Variants in NAV1 observed in about 807,000 individuals in gnomAD.
NAV1 encodes neuron navigator 1.
In NAV1, 18 loss-of-function variants were observed where a neutral mutation model predicts 175.2. That is an observed-to-expected ratio of 0.10 (90% confidence interval 0.07 to 0.15). NAV1 has a LOEUF of 0.15. Among genes scored for constraint, NAV1 ranks in the 10% least tolerant of loss-of-function variants. The pLI is 1.00. For synonymous variants in NAV1, 897 were observed against 978.7 expected (o/e 0.92, Z 1.56); for missense variants, 1,731 against 2,436.6 (o/e 0.71, Z 6.10).
intron 3 of NAV1, among the ~76,000 whole-genome samples, chr1:201,730,997 G>C (rs1017452190): frequency 2.0e-5 from 3 of 152,104 alleles, no homozygotes; most frequent in African/African-American, 7.2e-5. Flanking sequence ...TCAGTGTGAC[G>C]ATGGAACAAG....
intron 13 of NAV1, chr1:201,791,094 C>G (rs931710785): frequency 6.7e-6 from 2 of 300,746 alleles, no homozygotes; most frequent in Non-Finnish European, 6.3e-6. Flanking sequence ...TGCCATTGGC[C>G]ATGGACAAAA....
chr1:201,572,370 CT>C (rs558471603), intron 1 of NAV1, among the ~76,000 whole-genome samples: 15,665 of 136,274 alleles, frequency 0.11, 742 homozygotes, highest in Admixed American at 0.14. Flanking sequence ...TTCTTTCTTT[CT>C]TTTTTTTTTT....
In NAV1 at chr1:201,588,856, T is replaced by C. The variant is rs6675502; in HGVS notation, c.-33+207T>C. On this transcript the variant is annotated intron_variant, in intron 2 of 33. Coordinates refer to the NAV1 transcript ENST00000685211. ...ACAATTTAAAAGATTGGATTTTTTTTTTCTTTTTTGAAATGGAGTCTCGCT... is the reference window on the plus strand; with the variant it reads ...ACAATTTAAAAGATTGGATTTTTTTCTTCTTTTTTGAAATGGAGTCTCGCT... Among the ~76,000 whole-genome samples the C allele has an allele frequency of 9.5e-3, 1,452 of 152,208 alleles. 18 individuals carry two copies. Among genetic ancestry groups the C allele is most frequent in the African/African-American group, 0.032 (1,344 of 41,508 alleles).
At chr1:201,567,395 G>C (rs1034889785) in intron 1 of NAV1, among the ~76,000 whole-genome samples, 2 of 152,210 alleles carry the variant, frequency 1.3e-5, no homozygotes, top group African/African-American at 4.8e-5. Context: ...GTAGGAGCTG[G>C]GCCACTGGGT....
chr1:201,820,225 T>C (rs530399511), exon 30 of NAV1: 1 of 280,098 alleles, frequency 3.6e-6, no homozygotes, highest in South Asian at 6.7e-5. Context: ...TGACTTCTTG[T>C]TTCAATTACA....
intron 1 of NAV1, among the ~76,000 whole-genome samples, chr1:201,699,927 T>C (rs1475529405): frequency 6.6e-6 from 1 of 152,214 alleles, no homozygotes; most frequent in South Asian, 2.1e-4. Flanking sequence ...TTACACCTTA[T>C]ACAAAAATTA....
At chr1:201,809,471 C>T (rs766494335) in exon 22 of NAV1, 1 of 1,614,036 alleles carries the variant, frequency 6.2e-7, no homozygotes, top group Non-Finnish European at 8.5e-7. Context: ...TCTTCCTGGG[C>T]TGTAGCAAGG....
At chr1:201,546,903 CAAAA>C (rs534761806) in intron 1 of NAV1, among the ~76,000 whole-genome samples, 3 of 59,008 alleles carry the variant, frequency 5.1e-5, no homozygotes, top group African/African-American at 6.7e-5. Flanking sequence ...AACTCTGTCT[CAAAA>C]AAAAAAAAAA....
chr1:201,748,145 A>G (rs1017036670), intron 3 of NAV1, among the ~76,000 whole-genome samples: 1 of 152,216 alleles, frequency 6.6e-6, no homozygotes, highest in Admixed American at 6.5e-5. Context: ...CCTTTGCAGT[A>G]TATGAGCAGT....
chr1:201,813,290 G>C lies in NAV1; in HGVS notation c.5340+32G>C, dbSNP rs759302195. 1.4e-6 allele frequency: 2 copies of C among 1,390,698 alleles called. No homozygotes were observed. The highest frequency in any genetic ancestry group is 1.2e-5 in the South Asian group (1 of 85,454). 86.1% of individuals were successfully genotyped at this position (1,390,698 alleles called of 1,614,324 possible). On this transcript the variant is annotated intron_variant, in intron 28 of 29. Transcript: ENST00000367296. The surrounding 1 kb of genome is among the most constrained non-coding windows in gnomAD (Gnocchi z 4.2). ...CCTACCCCCTTCACTCAAACCCTAA[G>C]ATCAGGCTGTCCTACCTAACAAAGT...
chr1:201,579,630 A>G (rs1293813642), intron 1 of NAV1, among the ~76,000 whole-genome samples: 2 of 152,324 alleles, frequency 1.3e-5, no homozygotes, highest in African/African-American at 2.4e-5. Flanking sequence ...CGCTGGGATT[A>G]CAGACATGAG....
chr1:201,568,025 C>T (rs1666411108), intron 1 of NAV1, among the ~76,000 whole-genome samples: 1 of 152,156 alleles, frequency 6.6e-6, no homozygotes, highest in African/African-American at 2.4e-5. Context: ...AAATTGAGTA[C>T]ATAAACCACC....
chr1:201,709,868 C>T (rs909980616), intron 1 of NAV1, among the ~76,000 whole-genome samples: 18 of 152,306 alleles, frequency 1.2e-4, no homozygotes, highest in African/African-American at 3.8e-4. Context: ...TCCAGCTAGT[C>T]CCTACTTCCT....
At chr1:201,814,212 T>A (rs1429707396) in intron 28 of NAV1, among the ~76,000 whole-genome samples, 1 of 151,014 alleles carries the variant, frequency 6.6e-6, no homozygotes, top group Non-Finnish European at 1.5e-5. Context: ...ATACAAAAAA[T>A]AAAAAAAATC....
At chr1:201,657,802 C>G (rs1434542846) in intron 1 of NAV1, among the ~76,000 whole-genome samples, 1 of 152,152 alleles carries the variant, frequency 6.6e-6, no homozygotes, top group Non-Finnish European at 1.5e-5. Context: ...GAGGCCGAGG[C>G]AGGTGGATCA....
Position 201,787,511 on chromosome 1 carries a change from G to A in NAV1, c.2995+934G>A, listed in dbSNP as rs1270458801. ...TGAAGGGCTACTAAATGGAGGATGGGGCCAGCTTGTTCTCTATCTCCATTG... is the reference window on the plus strand; with the variant it reads ...TGAAGGGCTACTAAATGGAGGATGGAGCCAGCTTGTTCTCTATCTCCATTG... On this transcript the variant is annotated intron_variant, in intron 9 of 29. Coordinates refer to ENST00000367296, the Ensembl canonical transcript of NAV1. The surrounding 1 kb of genome is among the most constrained non-coding windows in gnomAD (Gnocchi z 4.3). The A allele has an allele frequency of 2.7e-6, 1 of 376,768 alleles. No homozygotes were observed. Among genetic ancestry groups the A allele is most frequent in the Non-Finnish European group, 5.4e-6 (1 of 186,114 alleles). 23.3% of individuals were successfully genotyped at this position (376,768 alleles called of 1,614,324 possible).
chr1:201,728,327 C>T (rs1298874146), intron 3 of NAV1, among the ~76,000 whole-genome samples: 1 of 152,050 alleles, frequency 6.6e-6, no homozygotes, highest in East Asian at 1.9e-4. Context: ...CGCAGTGGCT[C>T]ATGCCTGTAA....
upstream of NAV1, among the ~76,000 whole-genome samples, chr1:201,621,972 G>C (rs1243050308): frequency 6.6e-6 from 1 of 152,208 alleles, no homozygotes; most frequent in Non-Finnish European, 1.5e-5. Flanking sequence ...CTGGTGAAGG[G>C]GGAAGGGTTG....
intron 1 of NAV1, among the ~76,000 whole-genome samples, chr1:201,651,740 G>C (rs941603851): frequency 1.3e-5 from 2 of 151,982 alleles, no homozygotes; most frequent in African/African-American, 4.8e-5. Context: ...TACTGGGTAT[G>C]GGCCACCAGA....
Sources: allele counts gnomAD v4.1 joint callset (sites outside exome capture counted in the v4.1 genomes callset), GRCh38; gene constraint gnomAD v4.1.1; non-coding constraint Gnocchi (gnomAD v3.1); transcripts MANE v1.5; gene names NCBI Gene and HGNC (gene_info 2026-07-23, HGNC 2026-07-21).